Variants in DPP10 observed in about 807,000 individuals in gnomAD.
DPP10 encodes inactive dipeptidyl peptidase 10.
DPP10 carries 33 observed loss-of-function variants against 120.9 expected under a neutral mutation model. That is an observed-to-expected ratio of 0.27 (90% CI 0.21 to 0.37). The LOEUF (loss-of-function observed/expected upper bound fraction) is 0.37, where lower values mean the gene tolerates loss of function less well. Ranked by LOEUF, DPP10 falls within the 10% of genes least tolerant of loss-of-function variation. The pLI is 1.00. For missense variants in DPP10, 816 were observed against 942.8 expected (o/e 0.87, Z 1.76); for synonymous variants, 337 against 326.1 (o/e 1.03, Z -0.36).
At chr2:115,252,994 A>G (rs1170555908) in intron 1 of DPP10, among the ~76,000 whole-genome samples, 2 of 152,236 alleles carry the variant, frequency 1.3e-5, no homozygotes, top group South Asian at 2.1e-4. Context: ...CTATAAAGCA[A>G]TATCTGAGAC....
At chr2:115,460,283 A>G (rs1349878173) in intron 3 of DPP10, among the ~76,000 whole-genome samples, 1 of 152,108 alleles carries the variant, frequency 6.6e-6, no homozygotes, top group Non-Finnish European at 1.5e-5. Context: ...CTGCAAATAT[A>G]AAACCTTTCT....
chr2:114,592,316 G>A (rs1463020486), intron 1 of DPP10, among the ~76,000 whole-genome samples: 1 of 152,066 alleles, frequency 6.6e-6, no homozygotes, highest in Admixed American at 6.6e-5. Flanking sequence ...CCTGTTTGAT[G>A]GTAAACTTTT....
At chr2:115,822,611 T>C (rs138113886) in intron 21 of DPP10, among the ~76,000 whole-genome samples, 26 of 152,118 alleles carry the variant, frequency 1.7e-4, no homozygotes, top group African/African-American at 6.3e-4. Flanking sequence ...TTTGGTGTTC[T>C]GTTTTTTCTA....
At chr2:115,563,649 A>G (rs1318721975) in intron 5 of DPP10, among the ~76,000 whole-genome samples, 1 of 152,182 alleles carries the variant, frequency 6.6e-6, no homozygotes, top group African/African-American at 2.4e-5. Context: ...CACAGTGGGC[A>G]CTTGATACAT....
intron 1 of DPP10, among the ~76,000 whole-genome samples, chr2:114,815,781 C>G (rs1238148499): frequency 6.6e-6 from 1 of 152,008 alleles, no homozygotes; most frequent in Admixed American, 6.6e-5. Flanking sequence ...AGTCAAATAT[C>G]TCTCATTTTT....
intron 1 of DPP10, among the ~76,000 whole-genome samples, chr2:114,497,342 TACATACACATGTACATATAC>T (rs1682727781): frequency 1.1e-4 from 3 of 26,938 alleles, no homozygotes; most frequent in East Asian, 2.4e-3. Context: ...CATGTACATA[TACATACACATGTACATATAC>T]ATACACATGT....
intron 1 of DPP10, among the ~76,000 whole-genome samples, chr2:114,467,232 A>G (rs920720424): frequency 4.6e-5 from 7 of 152,170 alleles, no homozygotes; most frequent in Non-Finnish European, 1.0e-4. Context: ...TATTATTCAA[A>G]ATAGGAATTG....
intron 1 of DPP10, among the ~76,000 whole-genome samples, chr2:115,146,996 T>C (rs2051260892): frequency 6.6e-6 from 1 of 152,116 alleles, no homozygotes; most frequent in African/African-American, 2.4e-5. Flanking sequence ...TAACAGTGCA[T>C]AGGGACTAAG....
intron 19 of DPP10, among the ~76,000 whole-genome samples, chr2:115,813,971 G>A (rs911546867): frequency 6.6e-6 from 1 of 152,108 alleles, no homozygotes; most frequent in Non-Finnish European, 1.5e-5. Context: ...CTATATCTAG[G>A]TATGGACCTA....
At chr2:114,516,966 G>T (rs1203547157) in intron 1 of DPP10, among the ~76,000 whole-genome samples, 1 of 152,108 alleles carries the variant, frequency 6.6e-6, no homozygotes, top group Non-Finnish European at 1.5e-5. Flanking sequence ...TGAGGTTATA[G>T]CAACTTTGGT....
intron 1 of DPP10, among the ~76,000 whole-genome samples, chr2:114,692,253 G>A (rs1343405478): frequency 6.6e-6 from 1 of 151,796 alleles, no homozygotes; most frequent in African/African-American, 2.4e-5. Context: ...CACTGCTTTA[G>A]CTGCATCCCA....
chr2:115,462,479 C>T (rs1388284042), intron 3 of DPP10, among the ~76,000 whole-genome samples: 1 of 152,038 alleles, frequency 6.6e-6, no homozygotes. Context: ...AATCCAAATT[C>T]CTTGGTATGA....
At chr2:115,311,706 C>T (rs916780617) in intron 2 of DPP10, among the ~76,000 whole-genome samples, 1 of 152,080 alleles carries the variant, frequency 6.6e-6, no homozygotes, top group Admixed American at 6.6e-5. Flanking sequence ...CCACAGCCCC[C>T]CAACTCAGAC....
chr2:115,315,255 A>G (rs1432932437), intron 2 of DPP10, among the ~76,000 whole-genome samples: 1 of 151,690 alleles, frequency 6.6e-6, no homozygotes, highest in Non-Finnish European at 1.5e-5. Context: ...GCCTGCACAC[A>G]CACACATGCA....
At chr2:115,780,544 A>G (rs1682627689) in intron 15 of DPP10, among the ~76,000 whole-genome samples, 1 of 151,874 alleles carries the variant, frequency 6.6e-6, no homozygotes. Flanking sequence ...CTTTACACAG[A>G]AATATCTATT....
At chr2:115,715,354 A>C (rs943439383) in intron 7 of DPP10, among the ~76,000 whole-genome samples, 1 of 149,478 alleles carries the variant, frequency 6.7e-6, no homozygotes, top group Non-Finnish European at 1.5e-5. Context: ...AAAAAAAAAA[A>C]AAAAAAAAAG....
chr2:115,624,341 G>A (rs1053805672), intron 5 of DPP10, among the ~76,000 whole-genome samples: 5 of 151,986 alleles, frequency 3.3e-5, no homozygotes, highest in African/African-American at 7.3e-5. Context: ...ACAAATTCAT[G>A]GCTGAATAAC....
chr2:114,508,172 A>G (rs184030960), intron 1 of DPP10, among the ~76,000 whole-genome samples: 28 of 152,284 alleles, frequency 1.8e-4, no homozygotes, highest in Middle Eastern at 6.8e-3. Context: ...CATTGTATGC[A>G]GTCAAGTAAA....
chr2:115,729,456 C>A (rs1410855110), intron 8 of DPP10, among the ~76,000 whole-genome samples: 1 of 152,152 alleles, frequency 6.6e-6, no homozygotes, highest in East Asian at 1.9e-4. Context: ...TAGGGATTTG[C>A]AAGCATTTTT....
Sources: gnomAD v4.1 joint callset for allele counts (sites outside exome capture counted in the v4.1 genomes callset) on GRCh38, gnomAD v4.1.1 for gene constraint, MANE v1.5 for transcripts, NCBI Gene and HGNC (gene_info 2026-07-23, HGNC 2026-07-21) for gene names.